The following KCNB2 variants were observed in gnomAD, a reference collection of about 807,000 sequenced individuals.
KCNB2 encodes the protein delayed rectifier potassium channel protein.
In KCNB2, 15 loss-of-function variants were observed where a neutral mutation model predicts 61.5. That is an observed-to-expected ratio of 0.24 (90% CI 0.16 to 0.38). The LOEUF (loss-of-function observed/expected upper bound fraction) is 0.38, where lower values mean the gene tolerates loss of function less well. KCNB2 is among the 10% of genes least tolerant of loss of function. The probability of loss-of-function intolerance (pLI) is 1.00; values close to 1 mark genes in which losing one functional copy is unlikely to be tolerated. For missense variants in KCNB2, 828 were observed against 1,125.2 expected, an observed-to-expected ratio of 0.74 and a Z score of 3.78; for synonymous variants, 457 against 446.0, an observed-to-expected ratio of 1.02 and a Z score of -0.31.
intron 2 of KCNB2, among the ~76,000 whole-genome samples, chr8:72,593,653 A>C (rs1331883768): frequency 6.6e-6 from 1 of 152,198 alleles, no homozygotes; most frequent in African/African-American, 2.4e-5. Context: ...TGTGTCAGAT[A>C]TAGGACCACA....
At chr8:72,688,218 T>C (rs572759132) in intron 2 of KCNB2, among the ~76,000 whole-genome samples, 2 of 152,326 alleles carry the variant, frequency 1.3e-5, no homozygotes, top group African/African-American at 4.8e-5. Context: ...AAATCCTTCA[T>C]GGTCCTGTAA....
intron 2 of KCNB2, among the ~76,000 whole-genome samples, chr8:72,628,920 GT>G (rs1194552345): frequency 6.6e-6 from 1 of 152,120 alleles, no homozygotes; most frequent in Non-Finnish European, 1.5e-5. Flanking sequence ...AAGTATATGT[GT>G]GCTTTTTGAA....
chr8:72,546,869 A>G (rs765089437), intron 1 of KCNB2, among the ~76,000 whole-genome samples: 24 of 152,200 alleles, frequency 1.6e-4, no homozygotes, highest in Non-Finnish European at 3.1e-4. Context: ...CAGATTTTTA[A>G]TGGAGATTAA....
chr8:72,885,097 A>G (rs1259101739), intron 2 of KCNB2, among the ~76,000 whole-genome samples: 1 of 152,140 alleles, frequency 6.6e-6, no homozygotes, highest in Non-Finnish European at 1.5e-5. Context: ...GTCTATTGAT[A>G]TGATCATATA....
At chr8:72,561,050 CCTT>C (rs1158502191) in intron 1 of KCNB2, among the ~76,000 whole-genome samples, 1 of 152,028 alleles carries the variant, frequency 6.6e-6, no homozygotes, top group Non-Finnish European at 1.5e-5. Context: ...TGTCTTGTCC[CCTT>C]CTTATTGCAA....
In KCNB2 at chr8:72,938,114, GAAACA is replaced by G. The variant is rs529084229; in HGVS notation, c.*43_*47del. 3.4e-5 allele frequency: 52 copies of G among 1,532,776 alleles called. No homozygotes were observed. In the South Asian group the frequency reaches 3.7e-4, roughly 11 times the overall value. The allele number at this position is 1,532,776 out of a possible 1,614,324, so 94.9% of individuals were successfully genotyped here. A position where few individuals can be genotyped will look rare whatever the true frequency, so the allele number is the denominator to read the frequency against. ...TGACTAGTTACAAAAGCAATAAATTGAAACAAAACAAAACAAAACAAAACTTGTTT... is the reference window on the plus strand; with the variant it reads ...TGACTAGTTACAAAAGCAATAAATTGAAACAAAACAAAACAAAACTTGTTT... On this transcript the variant is annotated 3_prime_UTR_variant, in exon 3 of 3. Transcript: ENST00000523207.
chr8:72,601,321 G>T (rs1805348526), intron 2 of KCNB2, among the ~76,000 whole-genome samples: 1 of 152,092 alleles, frequency 6.6e-6, no homozygotes. Flanking sequence ...TAGTAATTAA[G>T]TTGTTAATGT....
At chr8:72,741,026 G>A (rs979163855) in intron 2 of KCNB2, among the ~76,000 whole-genome samples, 18 of 152,198 alleles carry the variant, frequency 1.2e-4, no homozygotes, top group East Asian at 3.9e-4. Flanking sequence ...CTGAAATACC[G>A]AAATACTGTT....
chr8:72,564,538 A>G (rs1806591631), intron 1 of KCNB2, among the ~76,000 whole-genome samples: 1 of 152,216 alleles, frequency 6.6e-6, no homozygotes, highest in Non-Finnish European at 1.5e-5. Context: ...TAAGTTATTT[A>G]GTGGAGACTC....
intron 2 of KCNB2, among the ~76,000 whole-genome samples, chr8:72,786,194 T>TG (rs1176938617): frequency 6.6e-6 from 1 of 152,166 alleles, no homozygotes; most frequent in Non-Finnish European, 1.5e-5. Flanking sequence ...CAGTATAATT[T>TG]GACCTAGCCG....
intron 2 of KCNB2, among the ~76,000 whole-genome samples, chr8:72,868,779 T>A (rs1405536695): frequency 6.6e-6 from 1 of 152,106 alleles, no homozygotes; most frequent in East Asian, 1.9e-4. Flanking sequence ...AAAGTAGAAA[T>A]ACTCAAAATA....
At chr8:72,833,810 T>G (rs1440368) in intron 2 of KCNB2, among the ~76,000 whole-genome samples, 102,118 of 151,944 alleles carry the variant, frequency 0.67, 34,620 homozygotes, top group East Asian at 0.91. Flanking sequence ...TTAGAAGTCA[T>G]AAGAAGGCCT....
At chr8:72,580,867 A>G (rs1050160799) in intron 2 of KCNB2, among the ~76,000 whole-genome samples, 1 of 152,052 alleles carries the variant, frequency 6.6e-6, no homozygotes, top group African/African-American at 2.4e-5. Flanking sequence ...TCCATTCTCC[A>G]TTTAGCCAAC....
chr8:72,869,456 G>A (rs1388866345), intron 2 of KCNB2, among the ~76,000 whole-genome samples: 5 of 152,024 alleles, frequency 3.3e-5, no homozygotes, highest in African/African-American at 1.2e-4. Context: ...CCTGATAAAG[G>A]ATTAATATCC....
chr8:72,612,013 G>T (rs953979130), intron 2 of KCNB2, among the ~76,000 whole-genome samples: 1 of 152,016 alleles, frequency 6.6e-6, no homozygotes, highest in Non-Finnish European at 1.5e-5. Flanking sequence ...ATGCCAGCTC[G>T]CTCACTCTTG....
intron 2 of KCNB2, among the ~76,000 whole-genome samples, chr8:72,609,212 A>C (rs13281541): frequency 6.6e-6 from 1 of 151,966 alleles, no homozygotes; most frequent in Non-Finnish European, 1.5e-5. Context: ...TGTTTCTTAG[A>C]TCAAGTATGT....
At chr8:72,657,502 TAAACAGCA>T (rs1353980346) in intron 2 of KCNB2, among the ~76,000 whole-genome samples, 5 of 152,144 alleles carry the variant, frequency 3.3e-5, no homozygotes. Context: ...GAGAAGTTGT[TAAACAGCA>T]ACAATTGAAA....
At chr8:72,748,208 C>A (rs1808113235) in intron 2 of KCNB2, among the ~76,000 whole-genome samples, 1 of 152,142 alleles carries the variant, frequency 6.6e-6, no homozygotes, top group Non-Finnish European at 1.5e-5. Context: ...TTTGAACATC[C>A]TTCATGTTAA....
At chr8:72,728,893 A>G (rs1486474103) in intron 2 of KCNB2, among the ~76,000 whole-genome samples, 1 of 152,242 alleles carries the variant, frequency 6.6e-6, no homozygotes, top group Non-Finnish European at 1.5e-5. Context: ...TAAGTGGTTT[A>G]TCTTGCAATA....
Sources: gnomAD v4.1 joint callset for allele counts (sites outside exome capture counted in the v4.1 genomes callset) on GRCh38, gnomAD v4.1.1 for gene constraint, MANE v1.5 for transcripts, NCBI Gene and HGNC (gene_info 2026-07-23, HGNC 2026-07-21) for gene names.